Variants in PLCG2 observed in about 807,000 individuals in gnomAD.
The protein encoded by PLCG2 is phospholipase C gamma 2, also known as 1-phosphatidylinositol 4,5-bisphosphate phosphodiesterase gamma-2.
A neutral mutation model predicts 175.6 loss-of-function variants in PLCG2; 69 were observed. The observed-to-expected ratio is 0.39, with a 90% CI of 0.32 to 0.48. The LOEUF (loss-of-function observed/expected upper bound fraction) is 0.48, where lower values mean the gene tolerates loss of function less well. PLCG2 is among the 20% of genes least tolerant of loss of function. The pLI is 0.91. For missense variants in PLCG2, 1,798 were observed against 1,650.9 expected (o/e 1.09, Z -1.54); for synonymous variants, 827 against 624.0 (o/e 1.33, Z -4.85).
intron 16 of PLCG2, among the ~76,000 whole-genome samples, chr16:81,908,097 C>T (rs1237178574): frequency 6.6e-6 from 1 of 152,208 alleles, no homozygotes; most frequent in Non-Finnish European, 1.5e-5. Context: ...ATCTTTCCCG[C>T]TGTTTATTTC....
At chr16:81,837,466 C>G (rs917765877) in intron 2 of PLCG2, among the ~76,000 whole-genome samples, 1 of 152,186 alleles carries the variant, frequency 6.6e-6, no homozygotes, top group African/African-American at 2.4e-5. Flanking sequence ...TAGGACGGGT[C>G]CTGGCAGAAG....
At chr16:81,951,630 A>C (rs1911369904) in intron 31 of PLCG2, among the ~76,000 whole-genome samples, 2 of 152,214 alleles carry the variant, frequency 1.3e-5, no homozygotes, top group South Asian at 2.1e-4. Flanking sequence ...CTTTCCCCTA[A>C]CCTCATTCAG....
intron 8 of PLCG2, among the ~76,000 whole-genome samples, chr16:81,881,668 G>A (rs187021687): frequency 1.2e-4 from 18 of 152,256 alleles, no homozygotes; most frequent in African/African-American, 2.6e-4. Context: ...TATTCGAGAC[G>A]GAGCCTCCCT....
intron 31 of PLCG2, among the ~76,000 whole-genome samples, chr16:81,950,939 C>CAAAT (rs573621282): frequency 6.6e-6 from 1 of 151,362 alleles, no homozygotes; most frequent in South Asian, 2.1e-4. Context: ...GAATAAAACA[C>CAAAT]AAATAAAAAT....
Position 81,815,756 on chromosome 16 carries a change from G to A in PLCG2, c.193+29574G>A, listed in dbSNP as rs79479456. ...GGAAACCTTTGTAGGTCTTAAGTGC[G>A]CTATAATTGAGCAGTCTTAAATGAC... On this transcript the variant is annotated intron_variant, in intron 2 of 32. Transcript: ENST00000564138. Among the ~76,000 whole-genome samples, 519 of 152,268 alleles carry A rather than the reference G, an allele frequency of 3.4e-3. 3 individuals are homozygous for A. The highest frequency in any genetic ancestry group is 0.012 in the African/African-American group (481 of 41,560).
At chr16:81,895,985 T>A in intron 13 of PLCG2, 58 bp downstream of exon 13, 4 of 1,603,786 alleles carry the variant, frequency 2.5e-6, no homozygotes, top group Non-Finnish European at 3.4e-6. Flanking sequence ...TAGGGTTGGA[T>A]AGACAGATGG....
chr16:81,779,119 C>T (rs1461235514), upstream of PLCG2: 1 of 152,302 alleles, frequency 6.6e-6, no homozygotes. Context: ...AGAGGCGGGG[C>T]TCCAGGCCTG....
intron 10 of PLCG2, among the ~76,000 whole-genome samples, chr16:81,889,573 G>A (rs1908535673): frequency 6.6e-6 from 1 of 151,994 alleles, no homozygotes; most frequent in African/African-American, 2.4e-5. Flanking sequence ...CCAGCTGAAT[G>A]GGAGACTGGA....
At position 81,960,380 on chromosome 16, in the gene PLCG2, T is replaced by C. The variant is rs571648131; in HGVS notation, c.*2382T>C. Reference sequence around the variant, plus strand: ...CTAGTAACAGGCACATTCTGAAAGATGGAAGCAGCACTGATAGATCAAAAC... The same window carrying C: ...CTAGTAACAGGCACATTCTGAAAGACGGAAGCAGCACTGATAGATCAAAAC... On this transcript the variant is annotated 3_prime_UTR_variant, in exon 33 of 33. Coordinates refer to ENST00000564138, the MANE Select transcript of PLCG2 (RefSeq NM_002661.5). The C allele has an allele frequency of 4.5e-6, 1 of 220,888 alleles. No individual in the cohort carries two copies. The highest frequency in any genetic ancestry group is 1.8e-4 in the South Asian group (1 of 5,412). 13.7% of individuals were successfully genotyped at this position (220,888 alleles called of 1,614,324 possible).
At chr16:81,896,032 A>C in intron 13 of PLCG2, 105 bp downstream of exon 13, 3 of 1,390,664 alleles carry the variant, frequency 2.2e-6, no homozygotes, top group African/African-American at 1.4e-5. Flanking sequence ...CTCCCTCCAA[A>C]TGCGGGAAGG....
intron 31 of PLCG2, among the ~76,000 whole-genome samples, chr16:81,952,710 C>T (rs538100900): frequency 2.6e-5 from 4 of 152,152 alleles, no homozygotes; most frequent in Admixed American, 6.5e-5. Context: ...ATAGCTCTTC[C>T]TTACAAATGA....
intron 2 of PLCG2, among the ~76,000 whole-genome samples, chr16:81,759,415 A>G (rs1909993312): frequency 6.6e-6 from 1 of 152,174 alleles, no homozygotes; most frequent in African/African-American, 2.4e-5. Context: ...ATATTTACTT[A>G]TGTTATTTAT....
chr16:81,780,801 C>G (rs1910694606), intron 1 of PLCG2, among the ~76,000 whole-genome samples: 1 of 152,178 alleles, frequency 6.6e-6, no homozygotes, highest in Admixed American at 6.5e-5. Flanking sequence ...CCGAGCTGGG[C>G]TGATCACTTG....
chr16:81,910,895 G>C (rs1909594036), intron 18 of PLCG2, among the ~76,000 whole-genome samples, 175 bp downstream of exon 18: 1 of 152,226 alleles, frequency 6.6e-6, no homozygotes, highest in African/African-American at 2.4e-5. Flanking sequence ...ACCATGACCT[G>C]TGTCCTTTTC....
intron 17 of PLCG2, among the ~76,000 whole-genome samples, chr16:81,908,814 T>C (rs1207967365): frequency 6.6e-6 from 1 of 152,090 alleles, no homozygotes; most frequent in Non-Finnish European, 1.5e-5. Flanking sequence ...TTTTAAAAAA[T>C]CAAAAGTAAT....
upstream of PLCG2, among the ~76,000 whole-genome samples, chr16:81,776,642 C>A (rs1400754329): frequency 6.6e-6 from 1 of 152,204 alleles, no homozygotes; most frequent in Non-Finnish European, 1.5e-5. Context: ...GCAACCTCTG[C>A]CTTCTGGGTT....
chr16:81,909,651 C>A (rs1255982209), intron 17 of PLCG2, among the ~76,000 whole-genome samples: 1 of 152,186 alleles, frequency 6.6e-6, no homozygotes, highest in Non-Finnish European at 1.5e-5. Context: ...TCAGCTCAAG[C>A]AATCCTCTGG....
At chr16:81,950,681 G>A (rs1911331340) in intron 31 of PLCG2, among the ~76,000 whole-genome samples, 1 of 152,126 alleles carries the variant, frequency 6.6e-6, no homozygotes, top group Non-Finnish European at 1.5e-5. Flanking sequence ...AACTGGACTA[G>A]ATTCAAAAGA....
At position 81,919,528 on chromosome 16, in the gene PLCG2, G is replaced by T; in HGVS notation, c.2099G>T (p.Arg700Leu). The T allele has an allele frequency of 6.2e-7, 1 of 1,614,104 alleles. No individual in the cohort carries two copies. The highest frequency in any genetic ancestry group is 1.1e-5 in the South Asian group (1 of 91,070). The change falls in exon 20 of 33, where the codon CGG becomes CTG. Residue 700 changes from arginine (R) to leucine (L), a missense_variant. By Grantham distance (102) the Arg-to-Leu change is moderately radical. Coordinates refer to ENST00000564138, the MANE Select transcript of PLCG2 (RefSeq NM_002661.5). Reference protein sequence around the residue: ...VKHCRINRDGRHFVLGTSAYF... With the variant: ...VKHCRINRDGLHFVLGTSAYF... ...CATTGTCGCATCAACCGGGACGGCC[G>T]GCACTTTGTGCTGGGGACCTCCGCC...
Sources: allele counts gnomAD v4.1 joint callset (sites outside exome capture counted in the v4.1 genomes callset), GRCh38; gene constraint gnomAD v4.1.1; transcripts MANE v1.5; gene names NCBI Gene and HGNC (gene_info 2026-07-23, HGNC 2026-07-21).